NDST3: variants seen among roughly 807,000 people sequenced by gnomAD.
The protein encoded by NDST3 is bifunctional heparan sulfate N-deacetylase/N-sulfotransferase 3.
In NDST3, 58 loss-of-function variants were observed where a neutral mutation model predicts 96.1. The ratio of observed to expected loss-of-function variants is 0.60; its 90% CI spans 0.49 to 0.75. The LOEUF (loss-of-function observed/expected upper bound fraction) is 0.75, where lower values mean the gene tolerates loss of function less well. NDST3 is among the 30% of genes least tolerant of loss of function. The pLI is 0.00. For missense variants in NDST3, 788 were observed against 1,034.2 expected (o/e 0.76, Z 3.27); for synonymous variants, 333 against 359.7 (o/e 0.93, Z 0.84).
intron 6 of NDST3, among the ~76,000 whole-genome samples, chr4:118,195,402 G>A (rs1214123491): frequency 1.3e-5 from 2 of 152,120 alleles, no homozygotes; most frequent in Non-Finnish European, 2.9e-5. Flanking sequence ...TTATAAATGG[G>A]AGTTCCCCTG....
At chr4:118,052,929 T>C (rs1442847637) in intron 1 of NDST3, among the ~76,000 whole-genome samples, 1 of 152,070 alleles carries the variant, frequency 6.6e-6, no homozygotes, top group African/African-American at 2.4e-5. Context: ...GTCTCAGTTG[T>C]TTTCATTACA....
chr4:118,122,964 G>C (rs1219545633), intron 4 of NDST3, among the ~76,000 whole-genome samples: 1 of 152,172 alleles, frequency 6.6e-6, no homozygotes, highest in Non-Finnish European at 1.5e-5. Context: ...CAAAGCCCAT[G>C]TAACAACCAT....
intron 2 of NDST3, among the ~76,000 whole-genome samples, chr4:118,080,676 T>G (rs1027917940): frequency 6.6e-6 from 1 of 152,138 alleles, no homozygotes; most frequent in East Asian, 1.9e-4. Flanking sequence ...TGTGCCATAT[T>G]TTTTTAATGT....
chr4:118,191,004 G>T (rs1737267141), intron 6 of NDST3, among the ~76,000 whole-genome samples: 1 of 152,104 alleles, frequency 6.6e-6, no homozygotes, highest in Admixed American at 6.5e-5. Context: ...ATTCTCATTT[G>T]CCAGTTTTTA....
At chr4:118,092,632 G>T in intron 2 of NDST3, among the ~76,000 whole-genome samples, 1 of 151,450 alleles carries the variant, frequency 6.6e-6, no homozygotes, top group African/African-American at 2.4e-5. Context: ...TCAGCTTCAG[G>T]TCTAAACTAC....
rs183757053 is a variant in NDST3 at position 118,160,690 on chromosome 4, G to A, written c.1539+17006G>A. 9.3e-3 allele frequency among the ~76,000 whole-genome samples: 1,413 copies of A among 152,192 alleles called. 25 individuals carry two copies. The highest frequency in any genetic ancestry group is 0.082 in the Middle Eastern group (24 of 294). On this transcript the variant is annotated intron_variant, in intron 6 of 13. Transcript: ENST00000296499. ...CTCCTGAGGCTTCTGCATTCTTCACGTAGTTCTCGAGCCTTGGCTTTCAGC... is the reference window on the plus strand; with the variant it reads ...CTCCTGAGGCTTCTGCATTCTTCACATAGTTCTCGAGCCTTGGCTTTCAGC...
At chr4:118,068,210 T>G (rs1410971724) in intron 2 of NDST3, among the ~76,000 whole-genome samples, 1 of 146,668 alleles carries the variant, frequency 6.8e-6, no homozygotes. Flanking sequence ...TCTCACCATG[T>G]TGCCCAGGCT....
intron 6 of NDST3, among the ~76,000 whole-genome samples, chr4:118,179,490 G>A (rs1483657325): frequency 6.6e-6 from 1 of 151,976 alleles, no homozygotes; most frequent in Admixed American, 6.6e-5. Context: ...GATCAATGGT[G>A]AGAATTTGGA....
chr4:118,220,098 A>ACCCAGCCATCCCC, intron 6 of NDST3, among the ~76,000 whole-genome samples: 1 of 151,756 alleles, frequency 6.6e-6, no homozygotes, highest in African/African-American at 2.4e-5. Flanking sequence ...TACCAATGGG[A>ACCCAGCCATCCCC]TTGCTGGGTA....
At chr4:118,104,104 C>A (rs1729975802) in intron 2 of NDST3, among the ~76,000 whole-genome samples, 1 of 151,966 alleles carries the variant, frequency 6.6e-6, no homozygotes, top group Admixed American at 6.6e-5. Flanking sequence ...AGTTGTGGGC[C>A]CAACTGTATT....
chr4:118,111,515 T>C (rs1451262262), intron 3 of NDST3, among the ~76,000 whole-genome samples: 1 of 147,736 alleles, frequency 6.8e-6, no homozygotes, highest in African/African-American at 2.5e-5. Flanking sequence ...TAATTACACT[T>C]CAACTAATTT....
chr4:118,138,878 C>A (rs1192092170), intron 5 of NDST3, among the ~76,000 whole-genome samples: 3 of 152,074 alleles, frequency 2.0e-5, no homozygotes, highest in Non-Finnish European at 2.9e-5. Flanking sequence ...CTAATTTATT[C>A]CCAAATCAGA....
At chr4:118,239,789 T>C (rs933869523) in intron 10 of NDST3, among the ~76,000 whole-genome samples, 6 of 152,158 alleles carry the variant, frequency 3.9e-5, no homozygotes, top group African/African-American at 1.2e-4. Flanking sequence ...TTCAACTAGA[T>C]GAGGTAAACA....
chr4:118,045,335 T>C (rs1724701815), intron 1 of NDST3, among the ~76,000 whole-genome samples: 1 of 152,136 alleles, frequency 6.6e-6, no homozygotes, highest in Non-Finnish European at 1.5e-5. Flanking sequence ...CTCATCCTGT[T>C]ATAGTCATTG....
intron 1 of NDST3, among the ~76,000 whole-genome samples, chr4:118,046,140 T>G (rs1336437456): frequency 6.6e-6 from 1 of 152,192 alleles, no homozygotes; most frequent in African/African-American, 2.4e-5. Flanking sequence ...CACAGGGTAC[T>G]GGAGGCAGGG....
chr4:118,089,788 G>A (rs1257245541), intron 2 of NDST3, among the ~76,000 whole-genome samples: 1 of 151,910 alleles, frequency 6.6e-6, no homozygotes, highest in African/African-American at 2.4e-5. Context: ...AGAGTGAGAA[G>A]GGCTTTATGT....
At chr4:118,147,071 A>C (rs970395349) in intron 6 of NDST3, among the ~76,000 whole-genome samples, 3 of 152,212 alleles carry the variant, frequency 2.0e-5, no homozygotes, top group African/African-American at 7.2e-5. Flanking sequence ...ACCTGGAAAG[A>C]GCCCTCTAAT....
In NDST3 at chr4:118,241,285, C is replaced by T. The variant is rs569899543; in HGVS notation, c.2289+591C>T. ...TCAAATAAAATGAAAAGTTCAGTTC[C>T]TTTAGCCACATTTTAAGTGTTCAAT... On this transcript the variant is annotated intron_variant, in intron 11 of 13. Coordinates refer to ENST00000296499, the MANE Select transcript of NDST3 (RefSeq NM_004784.3). Among the ~76,000 whole-genome samples, 8 of 140,760 alleles carry T rather than the reference C, an allele frequency of 5.7e-5. No individual in the cohort carries two copies. In the East Asian group the frequency reaches 1.4e-3, roughly 24 times the overall value. The allele number at this position is 140,760 out of a possible 152,430, so 92.3% of individuals were successfully genotyped here. A position where few individuals can be genotyped will look rare whatever the true frequency, so the allele number is the denominator to read the frequency against.
chr4:118,143,994 C>T (rs545365440), intron 6 of NDST3, among the ~76,000 whole-genome samples: 3 of 144,022 alleles, frequency 2.1e-5, no homozygotes, highest in African/African-American at 8.0e-5. Flanking sequence ...CCTATTTCCA[C>T]GGGGAACCAT....
Sources: gnomAD v4.1 joint callset for allele counts (sites outside exome capture counted in the v4.1 genomes callset) on GRCh38, gnomAD v4.1.1 for gene constraint, MANE v1.5 for transcripts, NCBI Gene and HGNC (gene_info 2026-07-23, HGNC 2026-07-21) for gene names.